The following ERMP1 variants were observed in gnomAD, a reference collection of about 807,000 sequenced individuals.
ERMP1 encodes endoplasmic reticulum metallopeptidase 1.
In ERMP1, 86 loss-of-function variants were observed where a neutral mutation model predicts 92.0. That is an observed-to-expected ratio of 0.93 (90% CI 0.79 to 1.12). ERMP1 has a LOEUF of 1.12. Ranked by LOEUF, ERMP1 falls within the 50% of genes most tolerant of loss-of-function variation. The probability of loss-of-function intolerance (pLI) is 0.00; values close to 1 mark genes in which losing one functional copy is unlikely to be tolerated. For missense variants in ERMP1, 1,342 were observed against 1,116.3 expected, an observed-to-expected ratio of 1.20 and a Z score of -2.88; for synonymous variants, 530 against 412.8, an observed-to-expected ratio of 1.28 and a Z score of -3.44.
intron 5 of ERMP1, among the ~76,000 whole-genome samples, chr9:5,862,545 C>T (rs1830531515): frequency 1.3e-5 from 2 of 152,132 alleles, no homozygotes; most frequent in Admixed American, 1.3e-4. Flanking sequence ...GATGGAGTCT[C>T]TGTGTTGCCA....
chr9:5,841,185 C>G (rs1229342049), intron 6 of ERMP1, among the ~76,000 whole-genome samples: 1 of 152,164 alleles, frequency 6.6e-6, no homozygotes, highest in East Asian at 1.9e-4. Flanking sequence ...ATTAGCAATC[C>G]ATAAGCAGAA....
intron 6 of ERMP1, among the ~76,000 whole-genome samples, chr9:5,839,996 C>G (rs1830141883): frequency 6.6e-6 from 1 of 152,172 alleles, no homozygotes; most frequent in Non-Finnish European, 1.5e-5. Flanking sequence ...AATCTCAGCA[C>G]TTTGGGAGGC....
Position 5,786,455 on chromosome 9 carries a change from A to G in ERMP1, c.*689T>C, listed in dbSNP as rs878898043. ...AGGGGTAACAGACATGTTTCAGAGG[A>G]AAACAGGCATAGAAAACCACCTCAG... On this transcript the variant is annotated 3_prime_UTR_variant, in exon 15 of 15. Transcript: ENST00000339450. 1.3e-5 allele frequency: 2 copies of G among 152,302 alleles called. No individual in the cohort carries two copies. Among genetic ancestry groups the G allele is most frequent in the South Asian group, 4.1e-4 (2 of 4,828 alleles). 9.4% of individuals were successfully genotyped at this position (152,302 alleles called of 1,614,324 possible). A position where few individuals can be genotyped will look rare whatever the true frequency, so the allele number is the denominator to read the frequency against.
At chr9:5,794,933 G>C (rs1210333992) in intron 13 of ERMP1, among the ~76,000 whole-genome samples, 1 of 152,078 alleles carries the variant, frequency 6.6e-6, no homozygotes, top group Non-Finnish European at 1.5e-5. Context: ...ACCAAAGCTA[G>C]ACAACAACAA....
rs559035550 is a variant in ERMP1 at position 5,856,405 on chromosome 9, T to C, written n.3199+3063A>G. The C allele has an allele frequency of 6.8e-5, 12 of 175,680 alleles. No homozygotes were observed. In the South Asian group the frequency reaches 1.1e-3, roughly 16 times the overall value. 10.9% of individuals were successfully genotyped at this position (175,680 alleles called of 1,614,324 possible). The stretch of plus-strand genomic sequence containing the variant: ...AAGAGGAGCGGCCGGAGGATGACCA[T>C]GTGCAGGAGTTTGGAAGCCATTGCC... On this transcript the variant is annotated intron_variant and non_coding_transcript_variant, in intron 6 of 6. Coordinates refer to the ERMP1 transcript ENST00000690753.
intron 4 of ERMP1, among the ~76,000 whole-genome samples, chr9:5,815,266 C>T (rs578100575): frequency 6.6e-6 from 1 of 152,176 alleles, no homozygotes; most frequent in African/African-American, 2.4e-5. Flanking sequence ...GAAACCAAGC[C>T]TCCTTAGAGA....
intron 4 of ERMP1, among the ~76,000 whole-genome samples, chr9:5,815,795 T>C (rs1829281606): frequency 6.6e-6 from 1 of 152,088 alleles, no homozygotes; most frequent in Admixed American, 6.5e-5. Context: ...AAATGTAGTA[T>C]CATTAATAAT....
intron 4 of ERMP1, 140 bp downstream of exon 4, chr9:5,823,754 GAC>G: frequency 1.5e-6 from 1 of 647,632 alleles, no homozygotes. Context: ...TTTTAACAAA[GAC>G]AAGCTAACAC....
At position 5,785,632 on chromosome 9, in the gene ERMP1, A is replaced by G. The variant is rs1312540358; in HGVS notation, c.*1512T>C. 1 of 152,808 alleles carries G rather than the reference A, an allele frequency of 6.5e-6. No individual in the cohort carries two copies. The highest frequency in any genetic ancestry group is 1.5e-5 in the Non-Finnish European group (1 of 68,052). The allele number at this position is 152,808 out of a possible 1,614,324, so 9.5% of individuals were successfully genotyped here. ...AGGGGCATGATTTAAAAAGCACATCATACACATGAGACAAGCAGCTTCAAG... is the reference window on the plus strand; with the variant it reads ...AGGGGCATGATTTAAAAAGCACATCGTACACATGAGACAAGCAGCTTCAAG... On this transcript the variant is annotated 3_prime_UTR_variant, in exon 15 of 15. Coordinates refer to ENST00000339450, the MANE Select transcript of ERMP1 (RefSeq NM_024896.3).
rs534870532 is a variant in ERMP1 at position 5,786,055 on chromosome 9, C to G, written c.*1089G>C. Reference sequence around the variant, plus strand: ...CACCTACACGTACAGTGGTCTCATTCCAGTATAAGCCACAACCTCAAGTCT... The same window carrying G: ...CACCTACACGTACAGTGGTCTCATTGCAGTATAAGCCACAACCTCAAGTCT... On this transcript the variant is annotated 3_prime_UTR_variant, in exon 15 of 15. Coordinates refer to ENST00000339450, the MANE Select transcript of ERMP1 (RefSeq NM_024896.3). 1 of 152,308 alleles carries G rather than the reference C, an allele frequency of 6.6e-6. No individual in the cohort carries two copies. Among genetic ancestry groups the G allele is most frequent in the African/African-American group, 2.4e-5 (1 of 41,578 alleles). 9.4% of individuals were successfully genotyped at this position (152,308 alleles called of 1,614,324 possible). A position where few individuals can be genotyped will look rare whatever the true frequency, so the allele number is the denominator to read the frequency against.
At chr9:5,826,427 A>T (rs901572851) in intron 2 of ERMP1, among the ~76,000 whole-genome samples, 4 of 152,188 alleles carry the variant, frequency 2.6e-5, no homozygotes, top group African/African-American at 9.7e-5. Context: ...TACCTACCTC[A>T]CAGGTTTAAG....
At chr9:5,817,764 C>G (rs1829374925) in intron 4 of ERMP1, among the ~76,000 whole-genome samples, 1 of 151,934 alleles carries the variant, frequency 6.6e-6, no homozygotes. Context: ...TCTAGAAGTC[C>G]AGGGAAAACA....
chr9:5,787,469 T>C lies in ERMP1; in HGVS notation c.2511A>G (p.Gly837=). Residue 837 remains glycine (G), a synonymous_variant, in exon 14 of 15, where the codon GGA becomes GGG. Coordinates refer to ENST00000339450, the MANE Select transcript of ERMP1 (RefSeq NM_024896.3). ...AGAACTGCCATGCAGAGGCCTGGAGTCCATGGGAGTAAAAGACAAAGTAGT... is the reference window on the plus strand; with the variant it reads ...AGAACTGCCATGCAGAGGCCTGGAGCCCATGGGAGTAAAAGACAAAGTAGT... ...GGDYFVFYSH[G]LQASAWQFWI... is the part of the protein sequence containing the mutation. 1 of 1,613,256 alleles carries C rather than the reference T, an allele frequency of 6.2e-7. No individual in the cohort carries two copies. The highest frequency in any genetic ancestry group is 8.5e-7 in the Non-Finnish European group (1 of 1,179,730).
At chr9:5,824,357 C>T (rs1046086161) in intron 3 of ERMP1, among the ~76,000 whole-genome samples, 2 of 152,094 alleles carry the variant, frequency 1.3e-5, no homozygotes, top group Admixed American at 6.5e-5. Flanking sequence ...GAAGATCACC[C>T]GAGCTCAGGA....
upstream of ERMP1, among the ~76,000 whole-genome samples, chr9:5,833,884 G>A (rs527802223): frequency 2.0e-5 from 3 of 152,260 alleles, no homozygotes; most frequent in African/African-American, 7.2e-5. Flanking sequence ...GCAGAGCCTT[G>A]GTTTCAGTGC....
At chr9:5,817,206 G>C (rs544569120) in intron 4 of ERMP1, among the ~76,000 whole-genome samples, 1 of 134,894 alleles carries the variant, frequency 7.4e-6, no homozygotes, top group Admixed American at 7.9e-5. Flanking sequence ...CCTTTTTTTT[G>C]AGACAGAGTC....
chr9:5,831,753 C>T (rs1829948104), intron 1 of ERMP1, among the ~76,000 whole-genome samples: 1 of 152,086 alleles, frequency 6.6e-6, no homozygotes, highest in South Asian at 2.1e-4. Context: ...TTAAATAAGG[C>T]GGGCGGGGGA....
At chr9:5,832,576 T>A (rs952252077) in intron 1 of ERMP1, 114 bp downstream of exon 1, 2 of 832,218 alleles carry the variant, frequency 2.4e-6, no homozygotes, top group African/African-American at 3.6e-5. Context: ...CTGGGAGGGG[T>A]CAGCGAGTCC....
At chr9:5,831,996 T>C (rs1202963114) in intron 1 of ERMP1, among the ~76,000 whole-genome samples, 1 of 152,106 alleles carries the variant, frequency 6.6e-6, no homozygotes, top group East Asian at 1.9e-4. Flanking sequence ...GTTGAAAACT[T>C]GACGCCAGCT....
Sources: allele counts gnomAD v4.1 joint callset (sites outside exome capture counted in the v4.1 genomes callset), GRCh38; gene constraint gnomAD v4.1.1; transcripts MANE v1.5; gene names NCBI Gene and HGNC (gene_info 2026-07-23, HGNC 2026-07-21).